The following TGM3 variants were observed in gnomAD, a reference collection of about 807,000 sequenced individuals.
The protein encoded by TGM3 is protein-glutamine gamma-glutamyltransferase E.
In TGM3, 52 loss-of-function variants were observed where a neutral mutation model predicts 73.8. That is an observed-to-expected ratio of 0.70 (90% CI 0.56 to 0.89). TGM3 has a LOEUF of 0.89. TGM3 is among the 40% of genes least tolerant of loss of function. The probability of loss-of-function intolerance (pLI) is 0.00; values close to 1 mark genes in which losing one functional copy is unlikely to be tolerated. For missense variants in TGM3, 928 were observed against 909.9 expected (o/e 1.02, Z -0.26); for synonymous variants, 372 against 354.9 (o/e 1.05, Z -0.54).
chr20:2,314,526 C>A (rs931092549), intron 5 of TGM3, among the ~76,000 whole-genome samples: 1 of 100,306 alleles, frequency 1.0e-5, no homozygotes, highest in Non-Finnish European at 2.1e-5. Context: ...ACCTCATCTA[C>A]ACATACACAC....
intron 10 of TGM3, among the ~76,000 whole-genome samples, chr20:2,333,501 C>T (rs1026002155): frequency 5.3e-5 from 8 of 152,062 alleles, no homozygotes; most frequent in African/African-American, 1.9e-4. Flanking sequence ...CTGCCTCAGC[C>T]CCCCAAGTAG....
intron 5 of TGM3, among the ~76,000 whole-genome samples, chr20:2,314,136 C>T (rs988172822): frequency 3.9e-5 from 6 of 152,138 alleles, no homozygotes; most frequent in Non-Finnish European, 8.8e-5. Flanking sequence ...TGCCACTGCG[C>T]TCCAGCCTGG....
chr20:2,307,105 T>C (rs2084180164), intron 1 of TGM3, among the ~76,000 whole-genome samples: 1 of 152,188 alleles, frequency 6.6e-6, no homozygotes, highest in African/African-American at 2.4e-5. Context: ...CCTGAATTTG[T>C]GCAAAAACCT....
At chr20:2,317,538 T>C in intron 7 of TGM3, 53 bp downstream of exon 7, 1 of 1,606,762 alleles carries the variant, frequency 6.2e-7, no homozygotes, top group Non-Finnish European at 8.5e-7. Flanking sequence ...GAGTGGCTTC[T>C]CGCTCTCACC....
intron 3 of TGM3, 91 bp from the exon 4 acceptor site, chr20:2,310,920 A>C: frequency 1.0e-5 from 11 of 1,096,658 alleles, no homozygotes; most frequent in African/African-American, 1.5e-5. Context: ...TCCAACCCCC[A>C]GGCCGGTTCA....
chr20:2,301,510 T>C (rs1008854673), intron 1 of TGM3, among the ~76,000 whole-genome samples: 4 of 146,806 alleles, frequency 2.7e-5, no homozygotes, highest in African/African-American at 7.6e-5. Context: ...ATCAGTTTAG[T>C]GGACTGTGAC....
At position 2,334,897 on chromosome 20, in the gene TGM3, A is replaced by G. The variant is rs6132532; in HGVS notation, c.1643-219A>G. Among the ~76,000 whole-genome samples the G allele has an allele frequency of 0.29, 44,188 of 152,200 alleles. 13,731 individuals carry two copies. The highest frequency in any genetic ancestry group is 0.83 in the East Asian group (4,270 of 5,144). ...AGCCCATCCTCCTGGGAATCTGCCCAGCCAGAGAGAGTCCTGGGGCCTCTT... is the reference window on the plus strand; with the variant it reads ...AGCCCATCCTCCTGGGAATCTGCCCGGCCAGAGAGAGTCCTGGGGCCTCTT... On this transcript the variant is annotated intron_variant, in intron 10 of 12. Coordinates refer to ENST00000381458, the MANE Select transcript of TGM3 (RefSeq NM_003245.4). The surrounding 1 kb of genome is among the most constrained non-coding windows in gnomAD (Gnocchi z 4.0).
At chr20:2,339,661 A>G (rs1008970712) in intron 11 of TGM3, among the ~76,000 whole-genome samples, 193 bp from the exon 12 acceptor site, 1 of 152,042 alleles carries the variant, frequency 6.6e-6, no homozygotes, top group Non-Finnish European at 1.5e-5. Flanking sequence ...ATGTCCTGGG[A>G]CCATCCTGTG....
In TGM3 at chr20:2,335,288, C is replaced by T. The variant is rs1337231328; in HGVS notation, c.1800+15C>T. 6.2e-7 allele frequency: 1 copy of T among 1,613,420 alleles called. No individual in the cohort carries two copies. Among genetic ancestry groups the T allele is most frequent in the East Asian group, 2.2e-5 (1 of 44,866 alleles). On this transcript the variant is annotated intron_variant, in intron 11 of 12. Coordinates refer to ENST00000381458, the MANE Select transcript of TGM3 (RefSeq NM_003245.4). Reference sequence around the variant, plus strand: ...TGACCCTGGAGGTAATGGGGCTCCCCATCCTGTGGGAAGGGGTTCTGCCCC... The same window carrying T: ...TGACCCTGGAGGTAATGGGGCTCCCTATCCTGTGGGAAGGGGTTCTGCCCC...
At chr20:2,313,651 A>ACTCT (rs111654089) in intron 5 of TGM3, among the ~76,000 whole-genome samples, 16 of 150,100 alleles carry the variant, frequency 1.1e-4, no homozygotes, top group East Asian at 3.9e-4. Flanking sequence ...AATCACACAC[A>ACTCT]CTCTCTCTCT....
intron 7 of TGM3, among the ~76,000 whole-genome samples, chr20:2,324,403 C>T (rs1324573982): frequency 6.6e-6 from 1 of 152,158 alleles, no homozygotes; most frequent in Non-Finnish European, 1.5e-5. Context: ...GGATAAACCA[C>T]ATTTTCCTGG....
At chr20:2,297,274 A>G (rs1241930750) in intron 1 of TGM3, among the ~76,000 whole-genome samples, 1 of 152,246 alleles carries the variant, frequency 6.6e-6, no homozygotes, top group Non-Finnish European at 1.5e-5. Context: ...GAGCTCCTAC[A>G]TAAGTGCACA....
chr20:2,309,938 C>A, intron 2 of TGM3, 108 bp downstream of exon 2: 1 of 1,485,582 alleles, frequency 6.7e-7, no homozygotes. Flanking sequence ...TGGGTTCTAG[C>A]CTTGCTCTGT....
At chr20:2,325,701 C>T in intron 7 of TGM3, 148 bp from the exon 8 acceptor site, 1 of 651,094 alleles carries the variant, frequency 1.5e-6, no homozygotes, top group East Asian at 2.7e-5. Flanking sequence ...AGACGATGCT[C>T]ACCAGGGCTT....
rs2084337312 is a variant in TGM3, at chr20:2,334,471, C to T, written c.1643-645C>T. Among the ~76,000 whole-genome samples, 1 of 152,168 alleles carries T rather than the reference C, an allele frequency of 6.6e-6. No individual in the cohort carries two copies. The highest frequency in any genetic ancestry group is 1.5e-5 in the Non-Finnish European group (1 of 68,026). ...GATTTAGAAGAACTAGAGACCAGACCAGAGGAATGAAGGGGATGCTGTGGC... is the reference window on the plus strand; with the variant it reads ...GATTTAGAAGAACTAGAGACCAGACTAGAGGAATGAAGGGGATGCTGTGGC... On this transcript the variant is annotated intron_variant, in intron 10 of 12. Coordinates refer to ENST00000381458, the MANE Select transcript of TGM3 (RefSeq NM_003245.4). This position sits in a 1 kb window ranked among gnomAD's most constrained non-coding sequence, Gnocchi z 4.0.
At position 2,328,714 on chromosome 20, in the gene TGM3, G is replaced by T. The variant is rs923906588; in HGVS notation, c.1333+349G>T. Among the ~76,000 whole-genome samples, 1 of 152,252 alleles carries T rather than the reference G, an allele frequency of 6.6e-6. No homozygotes were observed. Among genetic ancestry groups the T allele is most frequent in the Non-Finnish European group, 1.5e-5 (1 of 68,040 alleles). Reference sequence around the variant, plus strand: ...TGGCCCCCATGAAAGGCCCCCAAGGGCTTTGGGAGAGATTTCTCCATCAGT... The same window carrying T: ...TGGCCCCCATGAAAGGCCCCCAAGGTCTTTGGGAGAGATTTCTCCATCAGT... On this transcript the variant is annotated intron_variant, in intron 9 of 12. Coordinates refer to ENST00000381458, the MANE Select transcript of TGM3 (RefSeq NM_003245.4). This position sits in a 1 kb window ranked among gnomAD's most constrained non-coding sequence, Gnocchi z 5.2.
At chr20:2,339,800 C>T in intron 11 of TGM3, 54 bp from the exon 12 acceptor site, 2 of 1,608,878 alleles carry the variant, frequency 1.2e-6, no homozygotes, top group Non-Finnish European at 8.5e-7. Context: ...CACCAAGGTG[C>T]AGGCAGGGGC....
intron 4 of TGM3, among the ~76,000 whole-genome samples, chr20:2,312,396 CAAAAAAAA>C (rs57369938): frequency 1.7e-5 from 1 of 60,478 alleles, no homozygotes; most frequent in South Asian, 1.1e-3. Flanking sequence ...GACTCCGTCT[CAAAAAAAA>C]AAAAAAAAAA....
chr20:2,317,922 C>CATATATATATATATATATCATATAT (rs1568627288), intron 7 of TGM3, among the ~76,000 whole-genome samples: 11 of 143,064 alleles, frequency 7.7e-5, no homozygotes, highest in African/African-American at 2.9e-4. Context: ...CTTCTCTTAG[C>CATATATATATATATATATCATATAT]ATATATATAT....
Sources: gnomAD v4.1 joint callset for allele counts (sites outside exome capture counted in the v4.1 genomes callset) on GRCh38, gnomAD v4.1.1 for gene constraint, Gnocchi (gnomAD v3.1) non-coding constraint, MANE v1.5 for transcripts, NCBI Gene and HGNC (gene_info 2026-07-23, HGNC 2026-07-21) for gene names.